Variants in CADM2 observed in about 807,000 individuals in gnomAD.
The protein encoded by CADM2 is cell adhesion molecule 2.
A neutral mutation model predicts 49.8 loss-of-function variants in CADM2; 12 were observed. The observed-to-expected ratio is 0.24, with a 90% confidence interval of 0.15 to 0.39. The LOEUF (loss-of-function observed/expected upper bound fraction) is 0.39. Among genes scored for constraint, CADM2 ranks in the 10% least tolerant of loss-of-function variants. The probability of loss-of-function intolerance (pLI) is 1.00; values close to 1 mark genes in which losing one functional copy is unlikely to be tolerated. For synonymous variants in CADM2, 214 were observed against 175.4 expected, an observed-to-expected ratio of 1.22 and a Z score of -1.74; for missense variants, 378 against 492.3, an observed-to-expected ratio of 0.77 and a Z score of 2.20.
At chr3:85,784,785 G>T (rs1048383590) in intron 2 of CADM2, among the ~76,000 whole-genome samples, 1 of 152,052 alleles carries the variant, frequency 6.6e-6, no homozygotes, top group Non-Finnish European at 1.5e-5. Context: ...TGGTATCAGG[G>T]TAATACTGGT....
rs183100946 is a variant in CADM2 at position 85,206,456 on chromosome 3, C to G, written c.61+246788C>G. Among the ~76,000 whole-genome samples, 790 of 151,868 alleles carry G rather than the reference C, an allele frequency of 5.2e-3. 3 individuals are homozygous for G. Among genetic ancestry groups the G allele is most frequent in the African/African-American group, 0.018 (756 of 41,426 alleles). ...CCGAGTAGCTGGGACTACAGGCGCCCGTCACCACGCCCGGCTAATTTTTTG... is the reference window on the plus strand; with the variant it reads ...CCGAGTAGCTGGGACTACAGGCGCCGGTCACCACGCCCGGCTAATTTTTTG... On this transcript the variant is annotated intron_variant, in intron 1 of 9. Coordinates refer to ENST00000383699, the MANE Select transcript of CADM2 (RefSeq NM_001167675.2).
intron 1 of CADM2, among the ~76,000 whole-genome samples, chr3:85,688,934 T>C (rs1483372235): frequency 1.3e-5 from 2 of 152,156 alleles, no homozygotes; most frequent in African/African-American, 4.8e-5. Context: ...CATTCCTATG[T>C]AGTTACCCAA....
chr3:85,605,053 A>G (rs746907626), intron 1 of CADM2, among the ~76,000 whole-genome samples: 1 of 152,068 alleles, frequency 6.6e-6, no homozygotes, highest in Non-Finnish European at 1.5e-5. Context: ...GAACATTGGC[A>G]CTAATCCTTA....
At chr3:85,087,776 A>G (rs889813761) in intron 1 of CADM2, among the ~76,000 whole-genome samples, 2 of 152,168 alleles carry the variant, frequency 1.3e-5, no homozygotes, top group Non-Finnish European at 2.9e-5. Context: ...GTGAAATTCT[A>G]TGTGTCTGCA....
chr3:85,215,664 C>A (rs998524815), intron 1 of CADM2, among the ~76,000 whole-genome samples: 4 of 152,038 alleles, frequency 2.6e-5, no homozygotes, highest in African/African-American at 7.2e-5. Context: ...TTTCTTGAGG[C>A]TTAGATGGGC....
chr3:85,803,150 C>T (rs150336816), intron 3 of CADM2, among the ~76,000 whole-genome samples: 20 of 151,954 alleles, frequency 1.3e-4, no homozygotes, highest in African/African-American at 4.6e-4. Flanking sequence ...TACAATTTTT[C>T]TTCTTTGATG....
At position 85,909,859 on chromosome 3, in the gene CADM2, A is replaced by G. The variant is rs548197900; in HGVS notation, c.530-2514A>G. Among the ~76,000 whole-genome samples, 23 of 152,348 alleles carry G rather than the reference A, an allele frequency of 1.5e-4. No individual in the cohort carries two copies. In the South Asian group the frequency reaches 3.5e-3, roughly 23 times the overall value. ...AAATACAGAAAGGGAAAGCAGAGAT[A>G]CATTTTAAGTGTCTTCTCTATTCAT... On this transcript the variant is annotated intron_variant, in intron 5 of 9. Coordinates refer to ENST00000383699, the MANE Select transcript of CADM2 (RefSeq NM_001167675.2).
intron 5 of CADM2, among the ~76,000 whole-genome samples, chr3:85,898,720 G>C (rs1377218830): frequency 1.3e-5 from 2 of 151,250 alleles, no homozygotes; most frequent in African/African-American, 4.9e-5. Flanking sequence ...CCCAGTGATG[G>C]ACATTCAGGT....
At chr3:85,210,510 A>G (rs1387766884) in intron 1 of CADM2, among the ~76,000 whole-genome samples, 4 of 151,620 alleles carry the variant, frequency 2.6e-5, no homozygotes, top group Admixed American at 2.6e-4. Context: ...TGAATTAGGA[A>G]GTATTCTCTT....
intron 3 of CADM2, among the ~76,000 whole-genome samples, chr3:85,872,306 A>T (rs763892126): frequency 4.6e-5 from 7 of 152,164 alleles, no homozygotes; most frequent in African/African-American, 1.7e-4. Context: ...AGTCACCTCC[A>T]CAGTATATCT....
At chr3:85,662,653 A>G (rs893037830) in intron 1 of CADM2, among the ~76,000 whole-genome samples, 1 of 151,994 alleles carries the variant, frequency 6.6e-6, no homozygotes, top group Non-Finnish European at 1.5e-5. Flanking sequence ...TTGCCTGAGG[A>G]CTTTGCATTT....
intron 1 of CADM2, among the ~76,000 whole-genome samples, chr3:85,147,135 C>T (rs1179201770): frequency 6.6e-6 from 1 of 151,674 alleles, no homozygotes; most frequent in Non-Finnish European, 1.5e-5. Flanking sequence ...ATTAGCCGGG[C>T]ATGGTGGCGG....
intron 1 of CADM2, among the ~76,000 whole-genome samples, chr3:85,034,790 C>CTTTT (rs1179967499): frequency 0.01 from 863 of 84,040 alleles, 94 homozygotes; most frequent in African/African-American, 0.045. Context: ...AGACATTTTG[C>CTTTT]TTTTTTTTTT....
At chr3:85,204,968 G>C (rs1249003143) in intron 1 of CADM2, among the ~76,000 whole-genome samples, 1 of 151,208 alleles carries the variant, frequency 6.6e-6, no homozygotes, top group Non-Finnish European at 1.5e-5. Context: ...CTGAGAAAAT[G>C]AGTGGTTTTA....
At position 85,205,010 on chromosome 3, in the gene CADM2, T is replaced by C. The variant is rs138428330; in HGVS notation, c.61+245342T>C. Among the ~76,000 whole-genome samples, 141 of 151,288 alleles carry C rather than the reference T, an allele frequency of 9.3e-4. 2 individuals carry two copies. In the East Asian group the frequency reaches 0.016, roughly 17 times the overall value. ...ATATAAATATACTTTTTAAAACTAC[T>C]TTACTTAATTTTTTTTTTTTTTTTT... On this transcript the variant is annotated intron_variant, in intron 1 of 9. Coordinates refer to ENST00000383699, the MANE Select transcript of CADM2 (RefSeq NM_001167675.2).
chr3:85,387,995 A>G (rs1343759293), intron 1 of CADM2, among the ~76,000 whole-genome samples: 2 of 152,170 alleles, frequency 1.3e-5, no homozygotes, highest in African/African-American at 2.4e-5. Flanking sequence ...AATAGAATAG[A>G]TTATTTTCTT....
intron 1 of CADM2, among the ~76,000 whole-genome samples, chr3:85,590,763 TG>T (rs960115693): frequency 2.6e-5 from 4 of 151,916 alleles, no homozygotes; most frequent in African/African-American, 9.7e-5. Flanking sequence ...ATTAGTCTAT[TG>T]ACAAATACCT....
chr3:85,949,497 GA>G (rs941324061), intron 7 of CADM2, among the ~76,000 whole-genome samples: 7 of 151,126 alleles, frequency 4.6e-5, no homozygotes, highest in African/African-American at 1.5e-4. Context: ...TCAAACTAAA[GA>G]TATCTTAGCT....
intron 1 of CADM2, among the ~76,000 whole-genome samples, chr3:85,006,737 C>T (rs1013325946): frequency 6.6e-6 from 1 of 151,922 alleles, no homozygotes; most frequent in Non-Finnish European, 1.5e-5. Flanking sequence ...ATTTCAAGGT[C>T]CATATTAATG....
Sources: allele counts gnomAD v4.1 joint callset (sites outside exome capture counted in the v4.1 genomes callset), GRCh38; gene constraint gnomAD v4.1.1; transcripts MANE v1.5; gene names NCBI Gene and HGNC (gene_info 2026-07-23, HGNC 2026-07-21).